NEK7: variants seen among roughly 807,000 people sequenced by gnomAD.
NEK7 encodes NIMA related kinase 7.
Under a neutral mutation model 44.6 loss-of-function variants are expected in NEK7, and 18 were observed. That is an observed-to-expected ratio of 0.40 (90% CI 0.28 to 0.60). NEK7 has a LOEUF of 0.60. NEK7 is among the 20% of genes least tolerant of loss of function. The pLI, the probability that NEK7 is intolerant of heterozygous loss-of-function variation, is 0.38. For missense variants in NEK7, 256 were observed against 366.5 expected (o/e 0.70, Z 2.46); for synonymous variants, 130 against 121.1 (o/e 1.07, Z -0.48).
chr1:198,229,044 G>A (rs1666310848), intron 1 of NEK7, among the ~76,000 whole-genome samples: 1 of 152,180 alleles, frequency 6.6e-6, no homozygotes, highest in Non-Finnish European at 1.5e-5. Flanking sequence ...CTGGGGAAAG[G>A]AATGCTGCAC....
chr1:198,248,857 G>A (rs1015503270), intron 2 of NEK7, among the ~76,000 whole-genome samples: 1 of 151,372 alleles, frequency 6.6e-6, no homozygotes, highest in Non-Finnish European at 1.5e-5. Context: ...GTGTGTGTGG[G>A]TTCTGCAATT....
At chr1:198,308,707 TTTTC>T (rs1400387167) in intron 9 of NEK7, among the ~76,000 whole-genome samples, 1 of 152,222 alleles carries the variant, frequency 6.6e-6, no homozygotes, top group Non-Finnish European at 1.5e-5. Flanking sequence ...TAAATCTTTC[TTTTC>T]TTTGACCTCA....
intron 1 of NEK7, among the ~76,000 whole-genome samples, chr1:198,202,297 A>T (rs1486252049): frequency 6.6e-6 from 1 of 152,008 alleles, no homozygotes; most frequent in Non-Finnish European, 1.5e-5. Context: ...CTTCACAAGG[A>T]GGATTGGAGA....
chr1:198,278,570 G>A (rs1349967615), intron 6 of NEK7, among the ~76,000 whole-genome samples: 1 of 151,678 alleles, frequency 6.6e-6, no homozygotes, highest in African/African-American at 2.4e-5. Flanking sequence ...TTATAGTGTT[G>A]TCGTGGTTTT....
intron 1 of NEK7, among the ~76,000 whole-genome samples, chr1:198,206,046 T>G (rs1173990044): frequency 6.6e-6 from 1 of 152,174 alleles, no homozygotes; most frequent in Non-Finnish European, 1.5e-5. Flanking sequence ...TGGGGTTTGC[T>G]TAAACAAACA....
At chr1:198,181,370 C>T (rs1462702909) in intron 1 of NEK7, among the ~76,000 whole-genome samples, 2 of 152,080 alleles carry the variant, frequency 1.3e-5, no homozygotes, top group African/African-American at 4.8e-5. Context: ...TGGGAGGTAA[C>T]TAATGCATAG....
chr1:198,207,107 A>G (rs1480865240), intron 1 of NEK7: 3 of 152,130 alleles, frequency 2.0e-5, no homozygotes, highest in African/African-American at 7.2e-5. Context: ...CACTTGATGA[A>G]TTGACGAAAA....
At chr1:198,310,694 T>C (rs1655154652) in intron 9 of NEK7, among the ~76,000 whole-genome samples, 1 of 152,170 alleles carries the variant, frequency 6.6e-6, no homozygotes, top group Admixed American at 6.5e-5. Context: ...ATTTATTAAA[T>C]AGGGAATCCT....
intron 7 of NEK7, among the ~76,000 whole-genome samples, chr1:198,282,962 T>G (rs1345674176): frequency 6.6e-6 from 1 of 151,864 alleles, no homozygotes; most frequent in African/African-American, 2.4e-5. Flanking sequence ...AAATGGCCAG[T>G]TGGGGAACTA....
At chr1:198,179,374 T>G (rs906625602) in intron 1 of NEK7, among the ~76,000 whole-genome samples, 5 of 152,086 alleles carry the variant, frequency 3.3e-5, no homozygotes, top group African/African-American at 1.2e-4. Flanking sequence ...ACATTCTTCA[T>G]TATGGGCCTT....
At chr1:198,188,904 C>T (rs1267977394) in intron 1 of NEK7, among the ~76,000 whole-genome samples, 4 of 152,038 alleles carry the variant, frequency 2.6e-5, no homozygotes, top group Non-Finnish European at 5.9e-5. Flanking sequence ...GTAAGTGGCA[C>T]GTGGCAGATT....
intron 1 of NEK7, among the ~76,000 whole-genome samples, chr1:198,200,567 T>TG (rs1491159031): frequency 1.3e-5 from 2 of 151,048 alleles, no homozygotes; most frequent in Non-Finnish European, 3.0e-5. Context: ...TTTTTTTTTT[T>TG]GGAGATGGGG....
chr1:198,272,018 A>G (rs1010158343), intron 5 of NEK7, among the ~76,000 whole-genome samples: 3 of 150,736 alleles, frequency 2.0e-5, no homozygotes, highest in Admixed American at 2.0e-4. Context: ...ATTTATGTCT[A>G]CATATGGTAT....
chr1:198,161,364 C>T (rs1408774660), intron 1 of NEK7, among the ~76,000 whole-genome samples: 1 of 152,108 alleles, frequency 6.6e-6, no homozygotes, highest in Non-Finnish European at 1.5e-5. Flanking sequence ...CATCTGCTGC[C>T]ATTGTAGCCA....
intron 1 of NEK7, among the ~76,000 whole-genome samples, chr1:198,215,099 G>A (rs1473547684): frequency 2.0e-5 from 3 of 151,966 alleles, no homozygotes; most frequent in African/African-American, 7.2e-5. Context: ...AAATGAAGGA[G>A]AAAGTCTTTC....
chr1:198,232,499 G>A (rs115220889), intron 1 of NEK7, 54 bp from the exon 2 acceptor site: 1 of 812,224 alleles, frequency 1.2e-6, no homozygotes, highest in South Asian at 1.4e-5. Context: ...TATGATGAAT[G>A]ATGTGAATTG....
intron 1 of NEK7, among the ~76,000 whole-genome samples, chr1:198,163,489 G>A (rs1664170635): frequency 6.6e-6 from 1 of 151,012 alleles, no homozygotes; most frequent in South Asian, 2.1e-4. Flanking sequence ...ACTCCCACCT[G>A]GTGACAGAGT....
intron 1 of NEK7, among the ~76,000 whole-genome samples, chr1:198,182,534 A>G (rs1558045245): frequency 1.3e-5 from 2 of 152,190 alleles, no homozygotes; most frequent in African/African-American, 4.8e-5. Flanking sequence ...TCTTGCTGCC[A>G]GGCCTGTGGC....
intron 3 of NEK7, among the ~76,000 whole-genome samples, chr1:198,261,407 C>T (rs996326857): frequency 6.6e-6 from 1 of 151,872 alleles, no homozygotes; most frequent in African/African-American, 2.4e-5. Context: ...CCAATACTAC[C>T]TGTCTTATAA....
Sources: allele counts gnomAD v4.1 joint callset (sites outside exome capture counted in the v4.1 genomes callset), GRCh38; gene constraint gnomAD v4.1.1; transcripts MANE v1.5; gene names NCBI Gene and HGNC (gene_info 2026-07-23, HGNC 2026-07-21).